Variants in ITGBL1 observed in about 807,000 individuals in gnomAD.
ITGBL1 encodes the protein integrin beta-like protein 1.
Under a neutral mutation model 68.5 loss-of-function variants are expected in ITGBL1, and 51 were observed. That is an observed-to-expected ratio of 0.74 (90% CI 0.59 to 0.94). The LOEUF (loss-of-function observed/expected upper bound fraction) is 0.94. ITGBL1 is among the 40% of genes least tolerant of loss of function. The pLI is 0.00. For synonymous variants in ITGBL1, 209 were observed against 227.3 expected (o/e 0.92, Z 0.72); for missense variants, 649 against 647.4 (o/e 1.00, Z -0.03).
At chr13:101,531,855 TC>T (rs1410641340) in intron 2 of ITGBL1, among the ~76,000 whole-genome samples, 1 of 151,808 alleles carries the variant, frequency 6.6e-6, no homozygotes, top group African/African-American at 2.4e-5. Context: ...TGCCTCAGCC[TC>T]CCAAGTAGCT....
intron 8 of ITGBL1, among the ~76,000 whole-genome samples, chr13:101,701,152 C>G (rs1430854117): frequency 1.3e-5 from 2 of 152,106 alleles, no homozygotes; most frequent in Non-Finnish European, 2.9e-5. Flanking sequence ...AATGACAACT[C>G]AAAGCATTTG....
At chr13:101,606,210 T>C (rs142661798) in intron 7 of ITGBL1, among the ~76,000 whole-genome samples, 682 of 146,738 alleles carry the variant, frequency 4.6e-3, no homozygotes, top group Non-Finnish European at 7.0e-3. Context: ...ATCATATATA[T>C]ATGATATATG....
rs563894599 is a variant in ITGBL1, at chr13:101,479,761, C to T, written c.316+25661C>T. On this transcript the variant is annotated intron_variant, in intron 2 of 10. Transcript: ENST00000376180. ...GCAAATCAAAGCTACAATGAGATAT[C>T]GTTTCACCCCAGTTAAAGTGGCTTT... Among the ~76,000 whole-genome samples the T allele has an allele frequency of 5.3e-5, 8 of 152,132 alleles. No individual in the cohort carries two copies. In the East Asian group the frequency reaches 5.8e-4, roughly 11 times the overall value.
chr13:101,642,024 C>A (rs528647090), intron 7 of ITGBL1, among the ~76,000 whole-genome samples: 3 of 151,884 alleles, frequency 2.0e-5, no homozygotes, highest in African/African-American at 7.3e-5. Context: ...AATAAACATA[C>A]GTGTGCATGT....
At position 101,566,857 on chromosome 13, in the gene ITGBL1, A is replaced by G. The variant is rs535516274; in HGVS notation, c.317-842A>G. ...CCAGAAAGTCTCTGCTGTTACGTCT[A>G]TAGGTCATAGACTTTATCGCTCAGC... On this transcript the variant is annotated intron_variant, in intron 2 of 10. Coordinates refer to ENST00000376180, the MANE Select transcript of ITGBL1 (RefSeq NM_004791.3). Among the ~76,000 whole-genome samples, 19 of 152,304 alleles carry G rather than the reference A, an allele frequency of 1.2e-4. No homozygotes were observed. The South Asian group carries it at 2.5e-3, about 20-fold the overall frequency.
chr13:101,516,164 A>C (rs2139122740), intron 2 of ITGBL1, among the ~76,000 whole-genome samples: 1 of 152,286 alleles, frequency 6.6e-6, no homozygotes, highest in Non-Finnish European at 1.5e-5. Flanking sequence ...ATTTATTGAA[A>C]TAGTTTTAAA....
chr13:101,459,336 T>C (rs1487695723), intron 2 of ITGBL1, among the ~76,000 whole-genome samples: 1 of 152,232 alleles, frequency 6.6e-6, no homozygotes, highest in Non-Finnish European at 1.5e-5. Flanking sequence ...AGTATCCTTA[T>C]GGATATGAAG....
chr13:101,687,368 A>C (rs1340171555), intron 7 of ITGBL1, among the ~76,000 whole-genome samples: 1 of 152,060 alleles, frequency 6.6e-6, no homozygotes, highest in Non-Finnish European at 1.5e-5. Flanking sequence ...TAGACACTTT[A>C]TCTGAATCTT....
intron 2 of ITGBL1, among the ~76,000 whole-genome samples, chr13:101,496,841 A>G (rs1337981819): frequency 6.6e-6 from 1 of 152,196 alleles, no homozygotes. Flanking sequence ...ACTTTTGTGG[A>G]AGCTTCCTGC....
intron 2 of ITGBL1, among the ~76,000 whole-genome samples, chr13:101,468,362 A>G (rs1250560474): frequency 6.6e-6 from 1 of 152,208 alleles, no homozygotes; most frequent in Non-Finnish European, 1.5e-5. Flanking sequence ...ACAAATGAGT[A>G]AGAGTAGTAT....
chr13:101,648,365 T>C (rs1427179619), intron 7 of ITGBL1, among the ~76,000 whole-genome samples: 1 of 152,192 alleles, frequency 6.6e-6, no homozygotes, highest in Non-Finnish European at 1.5e-5. Context: ...AAGAATGCAG[T>C]AACTAAGATC....
intron 2 of ITGBL1, among the ~76,000 whole-genome samples, chr13:101,514,954 T>G (rs1341325627): frequency 1.3e-5 from 2 of 152,056 alleles, no homozygotes; most frequent in South Asian, 2.1e-4. Context: ...AAATACAAAG[T>G]GCAACTAACA....
intron 7 of ITGBL1, among the ~76,000 whole-genome samples, chr13:101,605,926 A>ATG (rs2030803739): frequency 2.1e-5 from 2 of 97,218 alleles, no homozygotes; most frequent in African/African-American, 6.3e-5. Context: ...ATATATAGAC[A>ATG]TATGTATGCG....
chr13:101,604,883 T>TACACACACACACACAC (rs1444965646), intron 7 of ITGBL1, among the ~76,000 whole-genome samples: 29 of 12,962 alleles, frequency 2.2e-3, no homozygotes, highest in East Asian at 3.7e-3. Context: ...TATATATATA[T>TACACACACACACACAC]ATATACACAC....
intron 7 of ITGBL1, among the ~76,000 whole-genome samples, chr13:101,649,173 C>A (rs1214604785): frequency 2.0e-5 from 3 of 152,126 alleles, no homozygotes; most frequent in Admixed American, 2.0e-4. Flanking sequence ...CACAGATATT[C>A]AATTTTTATT....
chr13:101,720,271 T>G (rs1370485057), downstream of ITGBL1: 1 of 152,004 alleles, frequency 6.6e-6, no homozygotes, highest in Non-Finnish European at 1.5e-5. Context: ...ATGACCTAAC[T>G]CAATTACAAA....
chr13:101,645,903 G>T (rs986309951), intron 7 of ITGBL1, among the ~76,000 whole-genome samples: 1 of 152,088 alleles, frequency 6.6e-6, no homozygotes, highest in Non-Finnish European at 1.5e-5. Flanking sequence ...CTAGTATTTA[G>T]CTTTTGATAT....
intron 5 of ITGBL1, 124 bp downstream of exon 5, chr13:101,579,551 T>C (rs2050421138): frequency 1.0e-6 from 1 of 969,196 alleles, no homozygotes. Flanking sequence ...TTTACTTTGA[T>C]GTAAATCAAC....
intron 8 of ITGBL1, among the ~76,000 whole-genome samples, chr13:101,698,537 G>A (rs914664434): frequency 3.3e-5 from 5 of 152,142 alleles, no homozygotes; most frequent in South Asian, 2.1e-4. Flanking sequence ...AAGTGAGATC[G>A]TTCTTCATTT....
Sources: allele counts gnomAD v4.1 joint callset (sites outside exome capture counted in the v4.1 genomes callset), GRCh38; gene constraint gnomAD v4.1.1; transcripts MANE v1.5; gene names NCBI Gene and HGNC (gene_info 2026-07-23, HGNC 2026-07-21).